Variants in LIMA1 observed in about 807,000 individuals in gnomAD.
LIMA1 encodes the protein LIM domain and actin-binding protein 1.
In LIMA1, 52 loss-of-function variants were observed where a neutral mutation model predicts 62.6. The observed-to-expected ratio is 0.83, with a 90% CI of 0.67 to 1.05. The LOEUF (loss-of-function observed/expected upper bound fraction) is 1.05. Among genes scored for constraint, LIMA1 ranks in the 50% least tolerant of loss-of-function variants. LIMA1 has a pLI of 0.00. For missense variants in LIMA1, 780 were observed against 902.2 expected (o/e 0.86, Z 1.74); for synonymous variants, 302 against 317.8 (o/e 0.95, Z 0.53).
At chr12:50,208,053 A>G (rs1941185650) in intron 4 of LIMA1, among the ~76,000 whole-genome samples, 1 of 152,100 alleles carries the variant, frequency 6.6e-6, no homozygotes, top group South Asian at 2.1e-4. Flanking sequence ...TATATATTTA[A>G]TATATCTCCC....
chr12:50,239,295 CTTATA>C (rs555928298), intron 2 of LIMA1, among the ~76,000 whole-genome samples: 7 of 152,258 alleles, frequency 4.6e-5, no homozygotes, highest in African/African-American at 1.7e-4. Flanking sequence ...GAAAGCCTCA[CTTATA>C]TTAATTAGCC....
At chr12:50,181,578 C>A (rs1940502990) in intron 10 of LIMA1, among the ~76,000 whole-genome samples, 1 of 152,062 alleles carries the variant, frequency 6.6e-6, no homozygotes, top group South Asian at 2.1e-4. Context: ...AAACAAGTAA[C>A]CTCTTGAGAT....
intron 3 of LIMA1, among the ~76,000 whole-genome samples, chr12:50,226,824 C>G (rs1369616918): frequency 7.1e-6 from 1 of 140,028 alleles, no homozygotes; most frequent in Non-Finnish European, 1.5e-5. Flanking sequence ...GGCGAAAGAG[C>G]AAGATTCCAT....
At chr12:50,242,616 G>T (rs1592549344) in intron 2 of LIMA1, among the ~76,000 whole-genome samples, 1 of 152,180 alleles carries the variant, frequency 6.6e-6, no homozygotes, top group East Asian at 1.9e-4. Context: ...CTTGGTGTAT[G>T]ACCTTCAGTC....
intron 2 of LIMA1, among the ~76,000 whole-genome samples, chr12:50,235,238 AAG>A (rs1941674427): frequency 6.6e-6 from 1 of 151,688 alleles, no homozygotes; most frequent in African/African-American, 2.4e-5. Flanking sequence ...CCAGCCAAGA[AAG>A]AGTATTACAT....
intron 10 of LIMA1, among the ~76,000 whole-genome samples, chr12:50,181,619 G>A (rs539429635): frequency 1.3e-5 from 2 of 152,004 alleles, no homozygotes; most frequent in African/African-American, 2.4e-5. Flanking sequence ...TGATACCAAG[G>A]GAAAACATTC....
intron 2 of LIMA1, 121 bp from the exon 3 acceptor site, chr12:50,231,831 G>A (rs1274562584): frequency 4.5e-6 from 4 of 879,166 alleles, no homozygotes; most frequent in East Asian, 2.7e-5. Context: ...GCAGTGGTGC[G>A]ATCTCGGCTC....
At position 50,243,099 on chromosome 12, in the gene LIMA1, T is replaced by G. The variant is rs1440659599; in HGVS notation, c.119+5534A>C. On this transcript the variant is annotated intron_variant, in intron 2 of 10. Transcript: ENST00000341247. Reference sequence around the variant, plus strand: ...ATCAATAGGAACTTCTTACCTCAAATTTAACGACTGTTATAGAGGCTTAGT... The same window carrying G: ...ATCAATAGGAACTTCTTACCTCAAAGTTAACGACTGTTATAGAGGCTTAGT... Among the ~76,000 whole-genome samples, 3 of 152,198 alleles carry G rather than the reference T, an allele frequency of 2.0e-5. No homozygotes were observed. In the East Asian group the frequency reaches 5.8e-4, roughly 29 times the overall value.
At chr12:50,219,297 C>A (rs1466055262) in intron 4 of LIMA1, among the ~76,000 whole-genome samples, 1 of 151,862 alleles carries the variant, frequency 6.6e-6, no homozygotes, top group Admixed American at 6.6e-5. Flanking sequence ...CCAGCCTGAC[C>A]AATATGATGA....
chr12:50,198,641 A>C (rs1940979533), intron 7 of LIMA1, among the ~76,000 whole-genome samples: 1 of 152,230 alleles, frequency 6.6e-6, no homozygotes, highest in Admixed American at 6.5e-5. Flanking sequence ...TTTTGGAAGA[A>C]TGGCGTCAAG....
chr12:50,220,162 G>A (rs543921818), intron 4 of LIMA1, among the ~76,000 whole-genome samples: 1 of 152,066 alleles, frequency 6.6e-6, no homozygotes, highest in African/African-American at 2.4e-5. Flanking sequence ...CCAGGTTCAA[G>A]TGATTCTCCT....
intron 8 of LIMA1, among the ~76,000 whole-genome samples, chr12:50,193,215 T>A (rs1319709527): frequency 2.0e-5 from 3 of 151,982 alleles, no homozygotes; most frequent in African/African-American, 7.2e-5. Context: ...TTCAAAAAAA[T>A]GTTTCATAAA....
At chr12:50,194,733 C>G (rs986626609) in intron 8 of LIMA1, among the ~76,000 whole-genome samples, 2 of 151,990 alleles carry the variant, frequency 1.3e-5, no homozygotes, top group African/African-American at 4.8e-5. Flanking sequence ...GAGACCTTTT[C>G]TCTACAAAAA....
At position 50,231,679 on chromosome 12, in the gene LIMA1, C is replaced by T; in HGVS notation, c.151G>A (p.Glu51Lys). 6.2e-7 allele frequency: 1 copy of T among 1,614,040 alleles called. No individual in the cohort carries two copies. The highest frequency in any genetic ancestry group is 8.5e-7 in the Non-Finnish European group (1 of 1,179,898). Reference protein sequence around the residue: ...YQKAAEETNMEKKRSNTENLS... With the variant: ...YQKAAEETNMKKKRSNTENLS... ...TGAATACTTACACTTCTCTTCTTCT[C>T]CATGTTTGTTTCTTCAGCTGCTTTC... The change falls in exon 3 of 11, where the codon GAG (glutamate) becomes AAG (lysine). Residue 51 changes from glutamate (E) to lysine (K), a missense_variant. Glu to Lys is a moderately conservative substitution (Grantham distance 56). Coordinates refer to ENST00000341247, the MANE Select transcript of LIMA1 (RefSeq NM_016357.5).
intron 6 of LIMA1, chr12:50,201,395 C>T (rs1293358146): frequency 1.0e-6 from 1 of 982,398 alleles, no homozygotes; most frequent in Non-Finnish European, 1.2e-6. Flanking sequence ...CATAAAGAAA[C>T]CTTTTTGGTG....
chr12:50,254,556 G>GGGTA (rs1295778020), intron 1 of LIMA1, among the ~76,000 whole-genome samples: 2 of 152,156 alleles, frequency 1.3e-5, no homozygotes, highest in Admixed American at 6.5e-5. Context: ...AATTGTCCTA[G>GGGTA]GGTAGGGTAA....
chr12:50,231,623 G>A lies in LIMA1; in HGVS notation c.165+42C>T, dbSNP rs542752597. 50 of 1,597,866 alleles carry A rather than the reference G, an allele frequency of 3.1e-5. No individual in the cohort carries two copies. In the South Asian group the frequency reaches 4.7e-4, roughly 15 times the overall value. ...GCAGGTGGCTTGGCCACACAATTCT[G>A]CTCAAGAAGTGCCACATGCCCTGGA... On this transcript the variant is annotated intron_variant, in intron 3 of 10. Coordinates refer to ENST00000341247, the MANE Select transcript of LIMA1 (RefSeq NM_016357.5).
chr12:50,216,898 A>C (rs1213823058), intron 4 of LIMA1, among the ~76,000 whole-genome samples: 1 of 152,012 alleles, frequency 6.6e-6, no homozygotes, highest in Admixed American at 6.6e-5. Flanking sequence ...ATTCAGCTAA[A>C]CCACCTGACC....
chr12:50,262,403 C>A (rs1942082799), intron 1 of LIMA1, among the ~76,000 whole-genome samples: 4 of 151,946 alleles, frequency 2.6e-5, no homozygotes, highest in Non-Finnish European at 5.9e-5. Context: ...CTCAAAAAAC[C>A]CACATTTTAA....
Sources: allele counts gnomAD v4.1 joint callset (sites outside exome capture counted in the v4.1 genomes callset), GRCh38; gene constraint gnomAD v4.1.1; transcripts MANE v1.5; gene names NCBI Gene and HGNC (gene_info 2026-07-23, HGNC 2026-07-21).